MYO9A: variants seen among roughly 807,000 people sequenced by gnomAD.
The protein encoded by MYO9A is myosin IXA, also known as unconventional myosin-IXa.
In MYO9A, 103 loss-of-function variants were observed where a neutral mutation model predicts 293.3. That is an observed-to-expected ratio of 0.35 (90% CI 0.30 to 0.41). MYO9A has a LOEUF of 0.41. Ranked by LOEUF, MYO9A falls within the 10% of genes least tolerant of loss-of-function variation. MYO9A has a pLI of 1.00. For missense variants in MYO9A, 2,685 were observed against 3,033.0 expected (o/e 0.89, Z 2.69); for synonymous variants, 1,001 against 1,035.7 (o/e 0.97, Z 0.64).
intron 11 of MYO9A, among the ~76,000 whole-genome samples, chr15:71,981,825 T>C (rs1210593738): frequency 6.6e-6 from 1 of 152,018 alleles, no homozygotes; most frequent in Admixed American, 6.6e-5. Context: ...TTTCCTCTGG[T>C]TTAGTTTGCT....
At chr15:71,959,371 G>A (rs1004411475) in intron 14 of MYO9A, 4 of 153,524 alleles carry the variant, frequency 2.6e-5, no homozygotes, top group Non-Finnish European at 4.4e-5. Context: ...GCACAGGTGA[G>A]CCCTATAACA....
At chr15:71,955,789 AT>A (rs1374216009) in intron 14 of MYO9A, among the ~76,000 whole-genome samples, 5 of 152,186 alleles carry the variant, frequency 3.3e-5, no homozygotes, top group Non-Finnish European at 7.4e-5. Context: ...ATTTTAGAAC[AT>A]TTTGATCATA....
intron 34 of MYO9A, among the ~76,000 whole-genome samples, chr15:71,858,307 C>T (rs2055950831): frequency 6.6e-6 from 1 of 152,094 alleles, no homozygotes; most frequent in Non-Finnish European, 1.5e-5. Flanking sequence ...CACATGCACA[C>T]ATATGTTTAT....
chr15:71,995,742 A>C (rs2076680750), intron 9 of MYO9A, among the ~76,000 whole-genome samples: 1 of 152,128 alleles, frequency 6.6e-6, no homozygotes, highest in African/African-American at 2.4e-5. Flanking sequence ...GTAATAATTA[A>C]GAACTAGAGT....
At chr15:72,016,895 G>A (rs2077356524) in intron 6 of MYO9A, among the ~76,000 whole-genome samples, 1 of 150,756 alleles carries the variant, frequency 6.6e-6, no homozygotes, top group South Asian at 2.1e-4. Context: ...TTCTTTACAT[G>A]CACAACTTTA....
chr15:72,083,959 T>C (rs974512039), intron 1 of MYO9A, among the ~76,000 whole-genome samples: 2 of 152,222 alleles, frequency 1.3e-5, no homozygotes, highest in African/African-American at 4.8e-5. Context: ...ATGAGAAGAA[T>C]GTATATTCTG....
intron 1 of MYO9A, among the ~76,000 whole-genome samples, chr15:72,101,295 T>G (rs1401847852): frequency 2.5e-4 from 20 of 81,420 alleles, no homozygotes; most frequent in Admixed American, 4.6e-4. Flanking sequence ...GGGAGGTGGG[T>G]TCAGCCCCCC....
chr15:71,876,404 G>C (rs1596084300), intron 31 of MYO9A, among the ~76,000 whole-genome samples: 1 of 140,086 alleles, frequency 7.1e-6, no homozygotes, highest in South Asian at 2.3e-4. Flanking sequence ...TTGCGGGCTT[G>C]AGCCACCACG....
chr15:71,967,900 C>A (rs2075916770), intron 13 of MYO9A, 84 bp downstream of exon 13: 3 of 1,334,754 alleles, frequency 2.2e-6, no homozygotes, highest in Non-Finnish European at 3.0e-6. Flanking sequence ...AAAGCCTCCA[C>A]AAACTACAAA....
At chr15:72,085,854 A>C (rs1357645923) in intron 1 of MYO9A, among the ~76,000 whole-genome samples, 2 of 152,126 alleles carry the variant, frequency 1.3e-5, no homozygotes, top group African/African-American at 4.8e-5. Flanking sequence ...TGTGGTATAT[A>C]AGGTGGGTTC....
At chr15:72,047,918 G>C (rs1566982672) in intron 1 of MYO9A, among the ~76,000 whole-genome samples, 1 of 151,276 alleles carries the variant, frequency 6.6e-6, no homozygotes, top group Non-Finnish European at 1.5e-5. Context: ...CTACAGGTGT[G>C]CGCCACCTTG....
At chr15:71,859,438 T>A (rs1012859878) in intron 34 of MYO9A, among the ~76,000 whole-genome samples, 1 of 152,198 alleles carries the variant, frequency 6.6e-6, no homozygotes, top group African/African-American at 2.4e-5. Context: ...TATGAGCATT[T>A]AAGGAAGTAT....
chr15:71,929,920 G>T (rs149972974), intron 18 of MYO9A, among the ~76,000 whole-genome samples: 224 of 152,266 alleles, frequency 1.5e-3, no homozygotes, highest in African/African-American at 4.7e-3. Flanking sequence ...CTTTCGTATG[G>T]CTTTGCTATC....
Position 71,830,303 on chromosome 15 carries a change from C to A in MYO9A, c.6846G>T (p.Gly2282=), listed in dbSNP as rs746356546. The A allele has an allele frequency of 2.5e-6, 4 of 1,613,356 alleles. No homozygotes were observed. The highest frequency in any genetic ancestry group is 1.7e-5 in the Admixed American group (1 of 59,858). The change falls in exon 40 of 42, where the codon GGG becomes GGT. Residue 2282 remains glycine, a synonymous_variant. Transcript: ENST00000356056. ...CTGGATAGTTTCCTCGACGAATACG[C>A]CCCTTTCCCTGCAGAGAAAAATTCA... ...LSLIRRSMGK[G]RIRRGNYPGP...
chr15:72,065,030 T>C (rs936609280), intron 1 of MYO9A, among the ~76,000 whole-genome samples: 14 of 152,214 alleles, frequency 9.2e-5, no homozygotes, highest in Admixed American at 9.2e-4. Flanking sequence ...CAGGCTCCTA[T>C]ACAATGATGT....
chr15:71,924,313 C>T (rs1195185597), intron 18 of MYO9A, among the ~76,000 whole-genome samples: 2 of 152,024 alleles, frequency 1.3e-5, no homozygotes, highest in Admixed American at 1.3e-4. Flanking sequence ...GTGATCTCGG[C>T]TCACTGCAAG....
chr15:72,074,550 G>A (rs546415242), intron 1 of MYO9A, among the ~76,000 whole-genome samples: 9 of 152,300 alleles, frequency 5.9e-5, no homozygotes, highest in Admixed American at 2.6e-4. Flanking sequence ...AGACTGATAC[G>A]ATGGACCAAA....
chr15:71,949,402 C>T (rs1567306796), intron 15 of MYO9A, among the ~76,000 whole-genome samples: 1 of 151,068 alleles, frequency 6.6e-6, no homozygotes, highest in Non-Finnish European at 1.5e-5. Context: ...CAGGGTTTCA[C>T]TATGCTGGGT....
chr15:72,088,668 G>C (rs1439384166), intron 1 of MYO9A, among the ~76,000 whole-genome samples: 1 of 152,078 alleles, frequency 6.6e-6, no homozygotes, highest in Admixed American at 6.5e-5. Context: ...CAACCAAAAA[G>C]AGCTCTACCA....
Sources: gnomAD v4.1 joint callset for allele counts (sites outside exome capture counted in the v4.1 genomes callset) on GRCh38, gnomAD v4.1.1 for gene constraint, MANE v1.5 for transcripts, NCBI Gene and HGNC (gene_info 2026-07-23, HGNC 2026-07-21) for gene names.